The following CILP variants were observed in gnomAD, a reference collection of about 807,000 sequenced individuals.
The protein encoded by CILP is cartilage intermediate layer protein, also known as cartilage intermediate layer protein 1.
A neutral mutation model predicts 82.5 loss-of-function variants in CILP; 75 were observed. The ratio of observed to expected loss-of-function variants is 0.91; its 90% CI spans 0.75 to 1.10. The LOEUF (loss-of-function observed/expected upper bound fraction) is 1.10. CILP is among the 50% of genes least tolerant of loss of function. The probability of loss-of-function intolerance (pLI) is 0.00; values close to 1 mark genes in which losing one functional copy is unlikely to be tolerated. For missense variants in CILP, 1,479 were observed against 1,530.8 expected (o/e 0.97, Z 0.56); for synonymous variants, 530 against 580.3 (o/e 0.91, Z 1.25).
intron 8 of CILP, among the ~76,000 whole-genome samples, 166 bp from the exon 9 acceptor site, chr15:65,199,265 C>A (rs2088421867): frequency 6.6e-6 from 1 of 152,198 alleles, no homozygotes; most frequent in Non-Finnish European, 1.5e-5. Context: ...TATTACTGAT[C>A]CCATTTTATA....
At chr15:65,199,524 A>G (rs903281440) in intron 8 of CILP, among the ~76,000 whole-genome samples, 3 of 152,226 alleles carry the variant, frequency 2.0e-5, no homozygotes, top group African/African-American at 4.8e-5. Flanking sequence ...AAACCTGTTT[A>G]AAGTGATCAG....
intron 8 of CILP, among the ~76,000 whole-genome samples, chr15:65,200,126 A>C (rs753891277): frequency 6.6e-6 from 1 of 152,242 alleles, no homozygotes; most frequent in Non-Finnish European, 1.5e-5. Flanking sequence ...TCAATGTGCC[A>C]AAGCATTTAG....
chr15:65,197,067 G>A lies in CILP; in HGVS notation c.3219C>T (p.Asn1073=). 1 of 1,614,164 alleles carries A rather than the reference G, an allele frequency of 6.2e-7. No individual in the cohort carries two copies. The change falls in exon 9 of 9, where the codon AAC becomes AAT. Residue 1073 remains asparagine, a synonymous_variant. Transcript: ENST00000261883. The part of the protein sequence containing the change: ...MLAPLDPLGH[N]YGIYTVTDQD... Reference sequence around the variant, plus strand: ...GGTCAGTGACAGTGTAGATGCCATAGTTGTGGCCCAGTGGGTCCAAGGGTG... The same window carrying A: ...GGTCAGTGACAGTGTAGATGCCATAATTGTGGCCCAGTGGGTCCAAGGGTG...
Position 65,196,755 on chromosome 15 carries a change from A to T in CILP, c.3531T>A (p.Val1177=). Residue 1177 remains valine (V), a synonymous_variant, in exon 9 of 9, where the codon GTT becomes GTA. Coordinates refer to ENST00000261883, the MANE Select transcript of CILP (RefSeq NM_003613.4). The stretch of plus-strand genomic sequence containing the variant: ...CTTAGTTGATCAGGGGCTGTTGAGC[A>T]ACTCTAGGAAATCTCAGAGAGGCCA... ...GVVASLRFPR[V]AQQPLIN 1 of 1,549,162 alleles carries T rather than the reference A, an allele frequency of 6.5e-7. No individual in the cohort carries two copies. The highest frequency in any genetic ancestry group is 8.7e-7 in the Non-Finnish European group (1 of 1,145,920).
rs753446374 is a variant in CILP at position 65,197,912 on chromosome 15, C to A, written c.2374G>T (p.Ala792Ser). 1.2e-5 allele frequency: 19 copies of A among 1,613,986 alleles called. 1 individual carries two copies. In the South Asian group the frequency reaches 1.9e-4, roughly 16 times the overall value. Residue 792 changes from alanine to serine, a missense_variant, in exon 9 of 9, where the codon GCC becomes TCC. Ala to Ser is a moderately conservative substitution (Grantham distance 99, BLOSUM62 1). Coordinates refer to ENST00000261883, the MANE Select transcript of CILP (RefSeq NM_003613.4). ...ATGACACTGTCAAAGCGGCCCCAGG[C>A]CCTAGGGTTGGACAAGAAGCCAGTT... ...PRTGFLSNPR[A>S]WGRFDSVITG...
chr15:65,207,582 C>T (rs2088532123), intron 3 of CILP, 90 bp downstream of exon 3: 2 of 1,173,632 alleles, frequency 1.7e-6, no homozygotes, highest in African/African-American at 1.5e-5. Context: ...TCCATGGGAC[C>T]CTGACATCAT....
chr15:65,198,712 G>A lies in CILP; in HGVS notation c.1574C>T (p.Thr525Ile). Residue 525 changes from threonine to isoleucine, a missense_variant, in exon 9 of 9, where the codon ACT becomes ATT. Thr to Ile is a moderately conservative substitution (Grantham distance 89, BLOSUM62 -1). Transcript: ENST00000261883. ...SRVSMTGYKG[T>I]FTLHVPQDTE... The stretch of plus-strand genomic sequence containing the variant: ...GTCCTGGGGGACATGGAGGGTGAAA[G>A]TGCCCTTGTAGCCAGTCATGCTTAC... 20 of 1,614,224 alleles carry A rather than the reference G, an allele frequency of 1.2e-5. No homozygotes were observed. Among genetic ancestry groups the A allele is most frequent in the Non-Finnish European group, 1.7e-5 (20 of 1,180,036 alleles).
chr15:65,201,938 A>T lies in CILP; in HGVS notation c.1120T>A (p.Tyr374Asn). ...GCATCACTCTGGGCCTTGCAAAAGTACTCCCCAGCCTGGTGCTGCTGCAGT... is the reference window on the plus strand; with the variant it reads ...GCATCACTCTGGGCCTTGCAAAAGTTCTCCCCAGCCTGGTGCTGCTGCAGT... ...RKLQQHQAGE[Y>N]FCKAQSDAGA... is the part of the protein sequence containing the mutation. The change falls in exon 8 of 9, where the codon TAC becomes AAC. Residue 374 changes from tyrosine to asparagine, a missense_variant. Coordinates refer to ENST00000261883, the MANE Select transcript of CILP (RefSeq NM_003613.4). The T allele has an allele frequency of 6.2e-7, 1 of 1,607,886 alleles. No homozygotes were observed. The highest frequency in any genetic ancestry group is 8.5e-7 in the Non-Finnish European group (1 of 1,177,634).
chr15:65,205,380 G>A lies in CILP; in HGVS notation c.511C>T (p.Gln171Ter), dbSNP rs1566996446. 6.2e-7 allele frequency: 1 copy of A among 1,614,082 alleles called. No individual in the cohort carries two copies. The highest frequency in any genetic ancestry group is 1.3e-5 in the African/African-American group (1 of 75,032). ...CSAACGQTGV[Q>*]TRTRICLAEM... ...GCCAAGCAAATGCGTGTGCGAGTCT[G>A]GACCCCAGTCTGACCACAGGCAGCT... is the stretch of plus-strand genomic sequence containing the variant. Residue 171 changes from glutamine (Q) to a stop codon, truncating the protein, a stop_gained, in exon 5 of 9, where the codon CAG becomes TAG. Transcript: ENST00000261883. LOFTEE classifies it high-confidence loss of function.
At position 65,197,407 on chromosome 15, in the gene CILP, A is replaced by G. The variant is rs144790648; in HGVS notation, c.2879T>C (p.Ile960Thr). 9 of 1,614,196 alleles carry G rather than the reference A, an allele frequency of 5.6e-6. No individual in the cohort carries two copies. The East Asian group carries it at 1.1e-4, about 20-fold the overall frequency. ...CACATTCACTTCCAGTGGCCCCACA[A>G]TCTTCACCTTGATATAGCAGGCCCT... ...EFRACYIKVK[I>T]VGPLEVNVRS... Residue 960 changes from isoleucine to threonine, a missense_variant, in exon 9 of 9, where the codon ATT becomes ACT. Ile to Thr is a moderately conservative substitution (Grantham distance 89). Coordinates refer to ENST00000261883, the MANE Select transcript of CILP (RefSeq NM_003613.4).
rs1037614641 is a variant in CILP at position 65,195,591 on chromosome 15, A to T, written c.*1140T>A. 4.6e-5 allele frequency: 7 copies of T among 152,264 alleles called. No homozygotes were observed. Among genetic ancestry groups the T allele is most frequent in the Admixed American group, 2.6e-4 (4 of 15,282 alleles). The allele number at this position is 152,264 out of a possible 1,614,324, so 9.4% of individuals were successfully genotyped here. A position where few individuals can be genotyped will look rare whatever the true frequency, so the allele number is the denominator to read the frequency against. ...AAAAGTTGAACATCTTTAGAAGAGC[A>T]TAAAGAAAAAAGTAAAAGCCCATTT... On this transcript the variant is annotated 3_prime_UTR_variant, in exon 9 of 9. Transcript: ENST00000261883.
chr15:65,198,701 G>A lies in CILP; in HGVS notation c.1585C>T (p.His529Tyr), dbSNP rs1258442792. Residue 529 changes from histidine (H) to tyrosine (Y), a missense_variant, in exon 9 of 9, where the codon CAT becomes TAT. Coordinates refer to ENST00000261883, the MANE Select transcript of CILP (RefSeq NM_003613.4). Reference sequence around the variant, plus strand: ...AGCCTCTCAGTGTCCTGGGGGACATGGAGGGTGAAAGTGCCCTTGTAGCCA... The same window carrying A: ...AGCCTCTCAGTGTCCTGGGGGACATAGAGGGTGAAAGTGCCCTTGTAGCCA... ...MTGYKGTFTL[H>Y]VPQDTERLVL... 6.8e-6 allele frequency: 11 copies of A among 1,614,212 alleles called. No homozygotes were observed. Among genetic ancestry groups the A allele is most frequent in the Non-Finnish European group, 9.3e-6 (11 of 1,180,050 alleles).
At chr15:65,204,716 A>G in intron 5 of CILP, 134 bp from the exon 6 acceptor site, 1 of 918,090 alleles carries the variant, frequency 1.1e-6, no homozygotes, top group East Asian at 2.8e-5. Flanking sequence ...ACTCCCACTC[A>G]TCCTTTAAAA....
intron 2 of CILP, 85 bp downstream of exon 2, chr15:65,209,610 C>T (rs1595962066): frequency 5.4e-6 from 7 of 1,300,286 alleles, no homozygotes; most frequent in Non-Finnish European, 7.8e-6. Flanking sequence ...TGTCTTAAGG[C>T]AGATGCATAG....
rs143772526 is a variant in CILP, at chr15:65,198,497, G to T, written c.1789C>A (p.Pro597Thr). Reference protein sequence around the residue: ...IPLGEVVGEDPMAELEIPSRS... With the variant: ...IPLGEVVGEDTMAELEIPSRS... ...GATGGAATCTCCAGTTCAGCCATGG[G>T]GTCTTCACCAACCACTTCCCCCAGG... The change falls in exon 9 of 9, where the codon CCC (proline) becomes ACC (threonine). Residue 597 changes from proline (P) to threonine (T), a missense_variant. Pro to Thr is a conservative substitution (Grantham distance 38). Transcript: ENST00000261883. 4.3e-6 allele frequency: 7 copies of T among 1,614,090 alleles called. No individual in the cohort carries two copies. The highest frequency in any genetic ancestry group is 5.1e-6 in the Non-Finnish European group (6 of 1,180,052).
chr15:65,201,789 T>C, intron 8 of CILP, 83 bp downstream of exon 8: 1 of 748,876 alleles, frequency 1.3e-6, no homozygotes, highest in Non-Finnish European at 2.0e-6. Flanking sequence ...AAGCCTTAGC[T>C]ATTACTGCAT....
rs1227727673 is a variant in CILP, at chr15:65,197,060, T to C, written c.3226A>G (p.Ile1076Val). ...GGGTCCTGGTCAGTGACAGTGTAGA[T>C]GCCATAGTTGTGGCCCAGTGGGTCC... ...PLDPLGHNYG[I>V]YTVTDQDPRT... Residue 1076 changes from isoleucine to valine, a missense_variant, in exon 9 of 9, where the codon ATC becomes GTC. Transcript: ENST00000261883. 14 of 1,614,168 alleles carry C rather than the reference T, an allele frequency of 8.7e-6. No homozygotes were observed. The highest frequency in any genetic ancestry group is 3.3e-4 in the Middle Eastern group (2 of 6,062).
intron 3 of CILP, 123 bp from the exon 4 acceptor site, chr15:65,207,174 A>C: frequency 1.8e-6 from 2 of 1,096,848 alleles, no homozygotes; most frequent in Middle Eastern, 2.8e-4. Flanking sequence ...GTATCTCTCC[A>C]ATCCCCTCTT....
At position 65,199,042 on chromosome 15, in the gene CILP, T is replaced by C; in HGVS notation, c.1244A>G (p.His415Arg). The part of the protein sequence containing the change: ...VPESYLIRLP[H>R]DCFQNATNSF... ...GTTGGTGGCATTCTGAAAGCAATCA[T>C]GGGGCAGCCGGATAAGATAGCTCTC... Residue 415 changes from histidine to arginine, a missense_variant, in exon 9 of 9, where the codon CAT becomes CGT. By Grantham distance (29) the His-to-Arg change is conservative. Transcript: ENST00000261883. 1 of 1,603,674 alleles carries C rather than the reference T, an allele frequency of 6.2e-7. No individual in the cohort carries two copies. The highest frequency in any genetic ancestry group is 1.1e-5 in the South Asian group (1 of 91,020).
Sources: gnomAD v4.1 joint callset for allele counts (sites outside exome capture counted in the v4.1 genomes callset) on GRCh38, gnomAD v4.1.1 for gene constraint, MANE v1.5 for transcripts, NCBI Gene and HGNC (gene_info 2026-07-23, HGNC 2026-07-21) for gene names.